The following CALCRL variants were observed in gnomAD, a reference collection of about 807,000 sequenced individuals.
The protein encoded by CALCRL is calcitonin gene-related peptide type 1 receptor.
CALCRL carries 27 observed loss-of-function variants against 60.4 expected under a neutral mutation model. The ratio of observed to expected loss-of-function variants is 0.45; its 90% CI spans 0.33 to 0.62. CALCRL has a LOEUF of 0.62. CALCRL is among the 20% of genes least tolerant of loss of function. CALCRL has a pLI of 0.03. For missense variants in CALCRL, 424 were observed against 540.7 expected (o/e 0.78, Z 2.14); for synonymous variants, 190 against 182.6 (o/e 1.04, Z -0.33).
chr2:187,372,740 G>T (rs1177674860), intron 8 of CALCRL, among the ~76,000 whole-genome samples: 1 of 152,142 alleles, frequency 6.6e-6, no homozygotes, highest in Non-Finnish European at 1.5e-5. Flanking sequence ...ACTGGGTTAA[G>T]AAACAGAAAG....
At chr2:187,374,698 G>T (rs1370209903) in intron 8 of CALCRL, among the ~76,000 whole-genome samples, 4 of 151,946 alleles carry the variant, frequency 2.6e-5, no homozygotes, top group Admixed American at 2.6e-4. Context: ...GAGTATTTCA[G>T]ATGACTACAT....
chr2:187,407,346 A>G (rs1689182090), intron 1 of CALCRL, among the ~76,000 whole-genome samples: 1 of 152,148 alleles, frequency 6.6e-6, no homozygotes, highest in South Asian at 2.1e-4. Context: ...TAGGGAGAAT[A>G]AAGACTGGTT....
intron 1 of CALCRL, among the ~76,000 whole-genome samples, chr2:187,388,826 AATTGATTTTTGTATTC>A (rs1386057824): frequency 1.3e-5 from 2 of 152,090 alleles, no homozygotes; most frequent in African/African-American, 4.8e-5. Context: ...ATAAAAAAGT[AATTGATTTTTGTATTC>A]ATGGTTTTAT....
intron 1 of CALCRL, among the ~76,000 whole-genome samples, chr2:187,400,106 C>A (rs67285489): frequency 0.087 from 13,104 of 151,382 alleles, 686 homozygotes; most frequent in South Asian, 0.17. Context: ...ATGCTTTGAA[C>A]ACAAAGAAAC....
At chr2:187,369,429 T>A (rs754403648) in intron 8 of CALCRL, among the ~76,000 whole-genome samples, 1 of 152,144 alleles carries the variant, frequency 6.6e-6, no homozygotes, top group Non-Finnish European at 1.5e-5. Context: ...CACTTTAAAG[T>A]TGCTATCATA....
chr2:187,447,109 G>A (rs1316136190), intron 1 of CALCRL, among the ~76,000 whole-genome samples: 1 of 151,820 alleles, frequency 6.6e-6, no homozygotes, highest in Non-Finnish European at 1.5e-5. Context: ...CTGTACTATC[G>A]GAATGAGCAT....
rs77353990 is a variant in CALCRL at position 187,439,473 on chromosome 2, T to C, written c.-293+8566A>G. Among the ~76,000 whole-genome samples the C allele has an allele frequency of 3.3e-3, 493 of 151,586 alleles. 3 individuals are homozygous for C. The highest frequency in any genetic ancestry group is 0.011 in the African/African-American group (466 of 41,242). On this transcript the variant is annotated intron_variant, in intron 1 of 14. Coordinates refer to ENST00000392370, the MANE Select transcript of CALCRL (RefSeq NM_005795.6). ...TGTTTCAAATAACTAACTAACTAAATACTAAACAAAACAAAACAAACAAAC... is the reference window on the plus strand; with the variant it reads ...TGTTTCAAATAACTAACTAACTAAACACTAAACAAAACAAAACAAACAAAC...
At chr2:187,393,209 C>T (rs929691441) in intron 1 of CALCRL, among the ~76,000 whole-genome samples, 12 of 152,004 alleles carry the variant, frequency 7.9e-5, no homozygotes, top group Admixed American at 2.6e-4. Flanking sequence ...ATGGCCAGGC[C>T]CCACAAAGGA....
intron 1 of CALCRL, among the ~76,000 whole-genome samples, chr2:187,418,497 T>A (rs1044222400): frequency 1.3e-5 from 2 of 152,170 alleles, no homozygotes; most frequent in African/African-American, 4.8e-5. Context: ...ATATTCTTCA[T>A]GAGAGTAAAT....
intron 8 of CALCRL, among the ~76,000 whole-genome samples, chr2:187,367,920 T>C (rs767195974): frequency 1.3e-5 from 2 of 152,088 alleles, no homozygotes; most frequent in Non-Finnish European, 2.9e-5. Flanking sequence ...AGGCAGTTGA[T>C]GTTATTGTGT....
In CALCRL at chr2:187,351,512, A is replaced by G. The variant is rs1686531270; in HGVS notation, c.1170+408T>C. Among the ~76,000 whole-genome samples the G allele has an allele frequency of 2.0e-5, 3 of 151,924 alleles. No homozygotes were observed. The South Asian group carries it at 6.2e-4, about 31-fold the overall frequency. On this transcript the variant is annotated intron_variant, in intron 14 of 14. Transcript: ENST00000392370. ...TGCCATAAAGTTGTTTCCATAGGCT[A>G]CATTGTAAGACAGGCAAAAAAGAGA...
chr2:187,358,643 C>A (rs777829744), intron 12 of CALCRL, among the ~76,000 whole-genome samples: 2 of 151,344 alleles, frequency 1.3e-5, no homozygotes, highest in Non-Finnish European at 2.9e-5. Context: ...ATTGGAAAAA[C>A]CAAAAGATAA....
intron 9 of CALCRL, among the ~76,000 whole-genome samples, chr2:187,362,571 T>C (rs1687100921): frequency 1.6e-5 from 1 of 62,212 alleles, no homozygotes; most frequent in African/African-American, 4.8e-5. Context: ...AAACACTTTA[T>C]ATAGACACAC....
At chr2:187,372,330 T>A (rs77995722) in intron 8 of CALCRL, among the ~76,000 whole-genome samples, 3 of 151,658 alleles carry the variant, frequency 2.0e-5, no homozygotes, top group African/African-American at 4.8e-5. Context: ...TTTTTTTTTT[T>A]ATCTAAAGGG....
At chr2:187,372,320 T>TA (rs1048984420) in intron 8 of CALCRL, among the ~76,000 whole-genome samples, 4 of 149,308 alleles carry the variant, frequency 2.7e-5, no homozygotes, top group Non-Finnish European at 4.5e-5. Context: ...TAGAGTTTAT[T>TA]TTTTTTTTTT....
chr2:187,349,540 G>T (rs1158794763), intron 14 of CALCRL, among the ~76,000 whole-genome samples: 3 of 151,700 alleles, frequency 2.0e-5, no homozygotes, highest in African/African-American at 7.2e-5. Context: ...AGGGATCACA[G>T]TATTTCTTAA....
At chr2:187,380,600 G>C in intron 6 of CALCRL, 21 bp from the exon 7 acceptor site, 1 of 1,590,404 alleles carries the variant, frequency 6.3e-7, no homozygotes, top group Non-Finnish European at 8.6e-7. Context: ...AAAAAAAAAG[G>C]GAAAACAGGA....
intron 8 of CALCRL, among the ~76,000 whole-genome samples, chr2:187,364,965 G>A (rs1395630228): frequency 6.6e-6 from 1 of 152,062 alleles, no homozygotes; most frequent in African/African-American, 2.4e-5. Context: ...ATTAAAGAGT[G>A]GTTTACTTTG....
chr2:187,426,242 A>AT (rs35722786), intron 1 of CALCRL, among the ~76,000 whole-genome samples: 45,332 of 146,802 alleles, frequency 0.31, 7,662 homozygotes, highest in South Asian at 0.45. Context: ...GTCATTTATT[A>AT]TTTTTTTTTT....
Sources: gnomAD v4.1 joint callset for allele counts (sites outside exome capture counted in the v4.1 genomes callset) on GRCh38, gnomAD v4.1.1 for gene constraint, MANE v1.5 for transcripts, NCBI Gene and HGNC (gene_info 2026-07-23, HGNC 2026-07-21) for gene names.